Variants in FOXP2 observed in about 807,000 individuals in gnomAD.
The protein encoded by FOXP2 is forkhead box protein P2.
A neutral mutation model predicts 115.8 loss-of-function variants in FOXP2; 12 were observed. That is an observed-to-expected ratio of 0.10 (90% CI 0.07 to 0.17). FOXP2 has a LOEUF of 0.17. Ranked by LOEUF, FOXP2 falls within the 10% of genes least tolerant of loss-of-function variation. FOXP2 has a pLI of 1.00. For missense variants in FOXP2, 629 were observed against 843.5 expected, an observed-to-expected ratio of 0.75 and a Z score of 3.15; for synonymous variants, 328 against 297.7, an observed-to-expected ratio of 1.10 and a Z score of -1.05.
At chr7:114,220,585 C>G (rs574440198) in intron 1 of FOXP2, among the ~76,000 whole-genome samples, 1 of 152,218 alleles carries the variant, frequency 6.6e-6, no homozygotes, top group South Asian at 2.1e-4. Context: ...TAAGTGACTT[C>G]CCTACTTCCC....
At chr7:114,676,170 C>A (rs1807753035) in intron 16 of FOXP2, among the ~76,000 whole-genome samples, 1 of 147,560 alleles carries the variant, frequency 6.8e-6, no homozygotes, top group Admixed American at 7.0e-5. Flanking sequence ...CTCAGGTGAT[C>A]CACCCGCCTC....
intron 1 of FOXP2, among the ~76,000 whole-genome samples, chr7:114,176,298 T>TTCTTTCTCTCTCTCTCTC (rs368923204): frequency 9.1e-5 from 7 of 76,574 alleles, no homozygotes; most frequent in African/African-American, 3.2e-4. Flanking sequence ...CTTTCTTTCT[T>TTCTTTCTCTCTCTCTCTC]TCTCTCTCTC....
chr7:114,303,861 T>C (rs1272414971), intron 2 of FOXP2, among the ~76,000 whole-genome samples: 1 of 152,152 alleles, frequency 6.6e-6, no homozygotes, highest in Non-Finnish European at 1.5e-5. Flanking sequence ...TATAAACTGA[T>C]GCTCTAAGAA....
intron 2 of FOXP2, among the ~76,000 whole-genome samples, chr7:114,376,802 T>C (rs1792148748): frequency 6.6e-6 from 1 of 151,920 alleles, no homozygotes; most frequent in Admixed American, 6.6e-5. Context: ...TTTAGAAAAC[T>C]GTCAAAAGGC....
At chr7:114,405,740 T>A (rs1472815479) in intron 2 of FOXP2, among the ~76,000 whole-genome samples, 1 of 151,928 alleles carries the variant, frequency 6.6e-6, no homozygotes, top group Admixed American at 6.6e-5. Flanking sequence ...TGATGCAAAC[T>A]ATTTTTTCGT....
At chr7:114,270,271 C>A (rs1299264753) in intron 1 of FOXP2, among the ~76,000 whole-genome samples, 2 of 152,124 alleles carry the variant, frequency 1.3e-5, no homozygotes, top group Non-Finnish European at 2.9e-5. Flanking sequence ...ATGAATAAAG[C>A]TACTATAAGC....
chr7:114,300,307 A>T (rs1461863875), intron 2 of FOXP2, among the ~76,000 whole-genome samples: 1 of 152,124 alleles, frequency 6.6e-6, no homozygotes, highest in East Asian at 1.9e-4. Flanking sequence ...TAATATTTAG[A>T]TAAATGAATA....
chr7:114,623,548 G>T (rs1426472068), intron 3 of FOXP2, among the ~76,000 whole-genome samples: 1 of 151,828 alleles, frequency 6.6e-6, no homozygotes, highest in Non-Finnish European at 1.5e-5. Flanking sequence ...TGGCCTTTAA[G>T]CATATGGTGT....
chr7:114,261,069 T>G (rs1795737269), intron 1 of FOXP2, among the ~76,000 whole-genome samples: 1 of 152,214 alleles, frequency 6.6e-6, no homozygotes, highest in African/African-American at 2.4e-5. Flanking sequence ...TAGAGAGCAA[T>G]GAAGTTCCCT....
At chr7:114,197,217 A>G (rs1368420937) in intron 1 of FOXP2, among the ~76,000 whole-genome samples, 3 of 152,180 alleles carry the variant, frequency 2.0e-5, no homozygotes, top group Non-Finnish European at 4.4e-5. Flanking sequence ...CAAAACAAAA[A>G]ACAAAAAAGA....
intron 2 of FOXP2, among the ~76,000 whole-genome samples, chr7:114,290,293 C>T (rs763348694): frequency 1.5e-4 from 23 of 151,776 alleles, no homozygotes; most frequent in Non-Finnish European, 2.4e-4. Context: ...AACATGGGAA[C>T]TAAAATGTTT....
At chr7:114,136,769 C>T (rs1007806434) in intron 1 of FOXP2, among the ~76,000 whole-genome samples, 1 of 151,720 alleles carries the variant, frequency 6.6e-6, no homozygotes, top group Admixed American at 6.6e-5. Context: ...TCATGACTAA[C>T]TTGTCTATAA....
At chr7:114,663,040 T>C (rs961915963) in intron 14 of FOXP2, among the ~76,000 whole-genome samples, 12 of 152,282 alleles carry the variant, frequency 7.9e-5, no homozygotes, top group African/African-American at 1.4e-4. Context: ...TAATTTGTTA[T>C]GTTAATTCAT....
intron 1 of FOXP2, among the ~76,000 whole-genome samples, chr7:114,092,742 C>A (rs907828084): frequency 6.6e-6 from 1 of 151,986 alleles, no homozygotes; most frequent in Admixed American, 6.6e-5. Context: ...CTTTAAGAAC[C>A]ATTCCTCACT....
intron 1 of FOXP2, among the ~76,000 whole-genome samples, chr7:114,129,696 G>A (rs569813259): frequency 6.6e-6 from 1 of 152,258 alleles, no homozygotes; most frequent in Admixed American, 6.5e-5. Flanking sequence ...TAGCACTATG[G>A]TGTTGGCCGA....
At position 114,656,340 on chromosome 7, in the gene FOXP2, ACTTTT is replaced by A. The variant is rs1227182569; in HGVS notation, c.1267-1714_1267-1710del. 1.3e-4 allele frequency: 24 copies of A among 183,234 alleles called. 1 individual carries two copies. Among genetic ancestry groups the A allele is most frequent in the Middle Eastern group, 1.8e-3 (1 of 554 alleles). 11.4% of individuals were successfully genotyped at this position (183,234 alleles called of 1,614,324 possible). A position where few individuals can be genotyped will look rare whatever the true frequency, so the allele number is the denominator to read the frequency against. ...TTTTTTTTTTTATGTATGGGGAAATACTTTTCTTTTCTTTTCATATTTTTAACATA... is the reference window on the plus strand; with the variant it reads ...TTTTTTTTTTTATGTATGGGGAAATACTTTTCTTTTCATATTTTTAACATA... On this transcript the variant is annotated intron_variant, in intron 10 of 16. Coordinates refer to ENST00000350908, the MANE Select transcript of FOXP2 (RefSeq NM_014491.4).
At chr7:114,528,281 T>G (rs1322637037) in intron 2 of FOXP2, among the ~76,000 whole-genome samples, 1 of 152,068 alleles carries the variant, frequency 6.6e-6, no homozygotes, top group East Asian at 1.9e-4. Context: ...GCCCAAATAT[T>G]ATATCCTCCA....
intron 1 of FOXP2, among the ~76,000 whole-genome samples, chr7:114,212,122 A>AATAAAATAAAATAAAATAT (rs67192679): frequency 2.7e-4 from 35 of 131,036 alleles, no homozygotes; most frequent in Admixed American, 8.6e-4. Context: ...AATAAAATAA[A>AATAAAATAAAATAAAATAT]ATATATATAT....
intron 3 of FOXP2, among the ~76,000 whole-genome samples, chr7:114,544,331 G>C (rs574595686): frequency 6.6e-5 from 10 of 151,962 alleles, no homozygotes; most frequent in Non-Finnish European, 1.0e-4. Context: ...CCCAGTTAGA[G>C]AGCCTCTGTC....
Sources: gnomAD v4.1 joint callset for allele counts (sites outside exome capture counted in the v4.1 genomes callset) on GRCh38, gnomAD v4.1.1 for gene constraint, MANE v1.5 for transcripts, NCBI Gene and HGNC (gene_info 2026-07-23, HGNC 2026-07-21) for gene names.